Variants in SCHIP1 observed in about 807,000 individuals in gnomAD.
SCHIP1 encodes the protein schwannomin-interacting protein 1.
Under a neutral mutation model 29.7 loss-of-function variants are expected in SCHIP1, and 8 were observed. The ratio of observed to expected loss-of-function variants is 0.27; its 90% confidence interval spans 0.16 to 0.49. The LOEUF (loss-of-function observed/expected upper bound fraction) is 0.49. SCHIP1 is among the 20% of genes least tolerant of loss of function. The pLI, the probability that SCHIP1 is intolerant of heterozygous loss-of-function variation, is 0.99. For synonymous variants in SCHIP1, 76 were observed against 94.9 expected (o/e 0.80, Z 1.16); for missense variants, 193 against 294.6 (o/e 0.66, Z 2.52).
At chr3:159,750,680 G>A in the SCHIP1 span, among the ~76,000 whole-genome samples, 1 of 152,106 alleles carries the variant, frequency 6.6e-6, no homozygotes, top group African/African-American at 2.4e-5. Flanking sequence ...GGGTAGGGTT[G>A]GGTGTATACA....
At chr3:159,495,595 A>G in the SCHIP1 span, among the ~76,000 whole-genome samples, 3 of 152,214 alleles carry the variant, frequency 2.0e-5, no homozygotes, top group East Asian at 1.9e-4. Flanking sequence ...CCACTGCTCA[A>G]TGAAATAAAA....
the SCHIP1 span, among the ~76,000 whole-genome samples, chr3:159,444,214 T>C: frequency 2.0e-5 from 3 of 152,006 alleles, no homozygotes; most frequent in Non-Finnish European, 4.4e-5. Context: ...GTGTGGGACA[T>C]ACTTCAGAAT....
rs149317126 is a variant in SCHIP1 at position 159,856,021 on chromosome 3, A to G, written c.31-10142A>G. On this transcript the variant is annotated intron_variant, in intron 1 of 6. Coordinates refer to ENST00000445224, the Ensembl canonical transcript of SCHIP1. ...AGTAAAACTGCCCTCAACAGAAAAC[A>G]TATCTTAGTGTTTAAGAAGAAAAGT... Among the ~76,000 whole-genome samples, 36 of 152,334 alleles carry G rather than the reference A, an allele frequency of 2.4e-4. No homozygotes were observed. In the East Asian group the frequency reaches 2.5e-3, roughly 11 times the overall value.
chr3:159,858,807 A>T (rs1713703035), intron 1 of SCHIP1, among the ~76,000 whole-genome samples: 3 of 152,152 alleles, frequency 2.0e-5, no homozygotes. Context: ...ACAGGTCCTG[A>T]GCAATTTACA....
chr3:159,536,852 A>C, the SCHIP1 span, among the ~76,000 whole-genome samples: 2 of 152,216 alleles, frequency 1.3e-5, no homozygotes, highest in East Asian at 3.9e-4. Context: ...TAAATGCATA[A>C]AACTCATCTC....
the SCHIP1 span, among the ~76,000 whole-genome samples, chr3:159,425,698 G>T: frequency 2.6e-5 from 4 of 152,206 alleles, no homozygotes; most frequent in African/African-American, 9.7e-5. Flanking sequence ...GGACCTAATA[G>T]ACATCTACAG....
At chr3:159,493,634 C>T in the SCHIP1 span, among the ~76,000 whole-genome samples, 3 of 150,776 alleles carry the variant, frequency 2.0e-5, no homozygotes, top group African/African-American at 7.3e-5. Context: ...CAGACTTAGA[C>T]TCCCACACAA....
the SCHIP1 span, among the ~76,000 whole-genome samples, chr3:159,295,916 T>C: frequency 2.0e-5 from 3 of 152,210 alleles, no homozygotes; most frequent in Non-Finnish European, 4.4e-5. Flanking sequence ...TGTACACATA[T>C]ATGTCAATGA....
the SCHIP1 span, among the ~76,000 whole-genome samples, chr3:159,652,911 C>T: frequency 1.3e-5 from 2 of 152,162 alleles, no homozygotes; most frequent in South Asian, 2.1e-4. Context: ...AAGCCAAGCA[C>T]AAAAAGACAA....
At chr3:159,283,246 G>C in the SCHIP1 span, among the ~76,000 whole-genome samples, 258 of 152,234 alleles carry the variant, frequency 1.7e-3, no homozygotes, top group Non-Finnish European at 3.0e-3. Flanking sequence ...TCCGCCTCCT[G>C]GGTTCAAGTG....
At chr3:159,282,357 T>C in the SCHIP1 span, among the ~76,000 whole-genome samples, 2 of 151,982 alleles carry the variant, frequency 1.3e-5, no homozygotes, top group African/African-American at 4.8e-5. Flanking sequence ...ATTCTGTGAA[T>C]TGTCTATTGT....
the SCHIP1 span, among the ~76,000 whole-genome samples, chr3:159,323,366 C>A: frequency 6.6e-6 from 1 of 152,084 alleles, no homozygotes; most frequent in Admixed American, 6.5e-5. Context: ...CCATTTGTAC[C>A]AATTTAGAGA....
At chr3:159,626,300 A>ATAGAT in the SCHIP1 span, among the ~76,000 whole-genome samples, 122 of 131,458 alleles carry the variant, frequency 9.3e-4, 1 homozygote, top group East Asian at 6.5e-3. Flanking sequence ...AGATAGATAG[A>ATAGAT]TTTTTTTTTA....
the SCHIP1 span, among the ~76,000 whole-genome samples, chr3:159,276,900 C>T: frequency 1.1e-4 from 17 of 152,290 alleles, no homozygotes; most frequent in Non-Finnish European, 1.9e-4. Context: ...GTCCTAGGGA[C>T]GAAGTCAGCC....
At chr3:159,724,403 C>T in the SCHIP1 span, among the ~76,000 whole-genome samples, 1 of 152,160 alleles carries the variant, frequency 6.6e-6, no homozygotes, top group African/African-American at 2.4e-5. Flanking sequence ...CAGTGCAGCT[C>T]CTGACTCCTC....
At chr3:159,603,613 T>C in the SCHIP1 span, among the ~76,000 whole-genome samples, 3 of 152,304 alleles carry the variant, frequency 2.0e-5, no homozygotes, top group East Asian at 3.9e-4. Flanking sequence ...ACTAAATATA[T>C]ATTTTGCAGT....
At chr3:159,637,371 CCACACA>C in the SCHIP1 span, among the ~76,000 whole-genome samples, 8,983 of 134,562 alleles carry the variant, frequency 0.067, 391 homozygotes, top group African/African-American at 0.12. Flanking sequence ...CCGGCCCCAG[CCACACA>C]CACACACACA....
the SCHIP1 span, among the ~76,000 whole-genome samples, chr3:159,748,100 A>G: frequency 6.6e-6 from 1 of 152,106 alleles, no homozygotes; most frequent in Non-Finnish European, 1.5e-5. Context: ...TAATAACATC[A>G]TTTTTATAGT....
chr3:159,628,966 A>G, the SCHIP1 span, among the ~76,000 whole-genome samples: 1 of 152,108 alleles, frequency 6.6e-6, no homozygotes, highest in Non-Finnish European at 1.5e-5. Flanking sequence ...TATAAAATAC[A>G]CAAAAGATGA....
Sources: allele counts gnomAD v4.1 joint callset (sites outside exome capture counted in the v4.1 genomes callset), GRCh38; gene constraint gnomAD v4.1.1; transcripts MANE v1.5; gene names NCBI Gene and HGNC (gene_info 2026-07-23, HGNC 2026-07-21).